The following PDGFC variants were observed in gnomAD, a reference collection of about 807,000 sequenced individuals.
PDGFC encodes platelet derived growth factor C.
In PDGFC, 12 loss-of-function variants were observed where a neutral mutation model predicts 35.5. That is an observed-to-expected ratio of 0.34 (90% CI 0.22 to 0.55). PDGFC has a LOEUF of 0.55. Among genes scored for constraint, PDGFC ranks in the 20% least tolerant of loss-of-function variants. The probability of loss-of-function intolerance (pLI) is 0.91; values close to 1 mark genes in which losing one functional copy is unlikely to be tolerated. For missense variants in PDGFC, 322 were observed against 412.4 expected (o/e 0.78, Z 1.90); for synonymous variants, 159 against 148.8 (o/e 1.07, Z -0.50).
chr4:156,941,323 A>G (rs1233656608), intron 1 of PDGFC, among the ~76,000 whole-genome samples: 2 of 152,150 alleles, frequency 1.3e-5, no homozygotes, highest in Non-Finnish European at 2.9e-5. Flanking sequence ...ATTTATAGAA[A>G]ATGATTGAAA....
intron 1 of PDGFC, among the ~76,000 whole-genome samples, chr4:156,910,241 C>CAA (rs747600708): frequency 6.6e-6 from 1 of 152,124 alleles, no homozygotes; most frequent in African/African-American, 2.4e-5. Flanking sequence ...TGTAGACTCA[C>CAA]AAAGTTGCAA....
chr4:156,896,450 C>T (rs183728458), intron 1 of PDGFC, among the ~76,000 whole-genome samples: 101 of 152,266 alleles, frequency 6.6e-4, no homozygotes, highest in African/African-American at 2.4e-3. Flanking sequence ...GGTCAAGACA[C>T]AGCTTTAAAG....
chr4:156,905,266 A>T (rs1730885806), intron 1 of PDGFC, among the ~76,000 whole-genome samples: 1 of 152,104 alleles, frequency 6.6e-6, no homozygotes. Context: ...CCTACTGAAT[A>T]ATGACACCAT....
chr4:156,921,974 G>A (rs1349641152), intron 1 of PDGFC, among the ~76,000 whole-genome samples: 2 of 152,036 alleles, frequency 1.3e-5, no homozygotes, highest in Non-Finnish European at 2.9e-5. Context: ...GCTTAATTGT[G>A]CAAATATTAG....
intron 1 of PDGFC, among the ~76,000 whole-genome samples, chr4:156,894,823 G>C (rs1379907309): frequency 6.6e-6 from 1 of 152,114 alleles, no homozygotes; most frequent in Admixed American, 6.6e-5. Context: ...TAGTCCATTT[G>C]ATTCAGATTT....
chr4:156,851,910 G>A (rs1221660082), intron 1 of PDGFC, among the ~76,000 whole-genome samples: 3 of 104,008 alleles, frequency 2.9e-5, no homozygotes, highest in East Asian at 2.7e-4. Context: ...CAGCCTGGGC[G>A]ACAGAATGAG....
chr4:156,940,432 A>G (rs1731778653), intron 1 of PDGFC, among the ~76,000 whole-genome samples: 2 of 152,184 alleles, frequency 1.3e-5, no homozygotes, highest in Admixed American at 6.5e-5. Context: ...AATGGAGATC[A>G]GAAAAGTAAA....
chr4:156,893,471 T>C (rs1730561524), intron 1 of PDGFC, among the ~76,000 whole-genome samples: 1 of 151,890 alleles, frequency 6.6e-6, no homozygotes, highest in Non-Finnish European at 1.5e-5. Flanking sequence ...GGACTATAGG[T>C]GCATGATTTT....
At chr4:156,785,732 G>A (rs908663507) in intron 3 of PDGFC, among the ~76,000 whole-genome samples, 1 of 152,020 alleles carries the variant, frequency 6.6e-6, no homozygotes, top group Non-Finnish European at 1.5e-5. Flanking sequence ...ATCAACTTAC[G>A]GGACTATTAA....
intron 1 of PDGFC, among the ~76,000 whole-genome samples, chr4:156,879,670 T>C (rs1033160334): frequency 2.6e-5 from 4 of 152,244 alleles, no homozygotes; most frequent in Non-Finnish European, 4.4e-5. Context: ...ATTTTCTGGC[T>C]ACTAAATAGA....
chr4:156,933,106 AAGTC>A (rs146387308), intron 1 of PDGFC, among the ~76,000 whole-genome samples: 5,269 of 152,192 alleles, frequency 0.035, 267 homozygotes, highest in African/African-American at 0.12. Context: ...CTGTACAAGA[AAGTC>A]AGCTAATTCA....
intron 3 of PDGFC, among the ~76,000 whole-genome samples, chr4:156,784,311 C>A (rs958439492): frequency 6.6e-6 from 1 of 152,014 alleles, no homozygotes; most frequent in African/African-American, 2.4e-5. Context: ...ATCTAAGGGT[C>A]GGGAAGAGAG....
intron 3 of PDGFC, among the ~76,000 whole-genome samples, chr4:156,795,196 GA>G (rs1731408653): frequency 1.3e-5 from 2 of 152,222 alleles, no homozygotes; most frequent in South Asian, 4.1e-4. Flanking sequence ...AATTAAATAT[GA>G]GTTATTGCTT....
chr4:156,836,985 T>C (rs925682200), intron 2 of PDGFC, among the ~76,000 whole-genome samples: 1 of 152,140 alleles, frequency 6.6e-6, no homozygotes, highest in African/African-American at 2.4e-5. Flanking sequence ...GGCTGTTCCA[T>C]AAAGACAGCT....
At chr4:156,953,377 T>C (rs2110945264) in intron 1 of PDGFC, among the ~76,000 whole-genome samples, 2 of 152,028 alleles carry the variant, frequency 1.3e-5, no homozygotes, top group African/African-American at 4.8e-5. Flanking sequence ...CAACTAATGG[T>C]AAAGGGATCA....
chr4:156,912,694 T>C (rs1030955509), intron 1 of PDGFC, among the ~76,000 whole-genome samples: 1 of 152,160 alleles, frequency 6.6e-6, no homozygotes, highest in African/African-American at 2.4e-5. Flanking sequence ...TGAATCATCA[T>C]AATCTTAAGG....
chr4:156,948,660 A>G (rs1383358479), intron 1 of PDGFC, among the ~76,000 whole-genome samples: 1 of 152,004 alleles, frequency 6.6e-6, no homozygotes, highest in African/African-American at 2.4e-5. Context: ...GGAAAATACT[A>G]TGTATTTTAG....
chr4:156,885,117 A>G (rs989172077), intron 1 of PDGFC, among the ~76,000 whole-genome samples: 6 of 151,720 alleles, frequency 4.0e-5, no homozygotes, highest in Non-Finnish European at 5.9e-5. Context: ...GAAATAGAAT[A>G]TGGGGAGAAA....
intron 3 of PDGFC, among the ~76,000 whole-genome samples, chr4:156,806,860 A>C (rs983454663): frequency 1.3e-5 from 2 of 152,036 alleles, no homozygotes; most frequent in Non-Finnish European, 2.9e-5. Context: ...ATTACTCCAA[A>C]ATTAAACAAG....
Sources: gnomAD v4.1 joint callset for allele counts (sites outside exome capture counted in the v4.1 genomes callset) on GRCh38, gnomAD v4.1.1 for gene constraint, MANE v1.5 for transcripts, NCBI Gene and HGNC (gene_info 2026-07-23, HGNC 2026-07-21) for gene names.